The following TAF4 variants were observed in gnomAD, a reference collection of about 807,000 sequenced individuals.
The protein encoded by TAF4 is TATA-box binding protein associated factor 4.
In TAF4, 9 loss-of-function variants were observed where a neutral mutation model predicts 90.3. That is an observed-to-expected ratio of 0.10 (90% CI 0.06 to 0.17). TAF4 has a LOEUF of 0.17. Ranked by LOEUF, TAF4 falls within the 10% of genes least tolerant of loss-of-function variation. TAF4 has a pLI of 1.00. For synonymous variants in TAF4, 818 were observed against 638.9 expected (o/e 1.28, Z -4.23); for missense variants, 1,351 against 1,370.7 (o/e 0.99, Z 0.23).
intron 14 of TAF4, among the ~76,000 whole-genome samples, chr20:61,991,967 G>A (rs2055634374): frequency 6.6e-6 from 1 of 152,120 alleles, no homozygotes; most frequent in Non-Finnish European, 1.5e-5. Flanking sequence ...AAATAATCCA[G>A]AGTAACATCC....
At chr20:61,999,476 C>T (rs28382111) in intron 11 of TAF4, among the ~76,000 whole-genome samples, 3,644 of 152,352 alleles carry the variant, frequency 0.024, 64 homozygotes, top group Middle Eastern at 0.058. Flanking sequence ...CACTGCCTCC[C>T]GGCTGTGGCA....
intron 5 of TAF4, 136 bp from the exon 6 acceptor site, chr20:62,007,772 T>C: frequency 1.3e-6 from 1 of 786,082 alleles, no homozygotes; most frequent in Non-Finnish European, 2.0e-6. Flanking sequence ...TGGGAAAGTC[T>C]GCGTGCTACA....
intron 14 of TAF4, among the ~76,000 whole-genome samples, chr20:61,978,107 G>A (rs2055508116): frequency 9.6e-6 from 1 of 103,982 alleles, no homozygotes; most frequent in Non-Finnish European, 2.1e-5. Context: ...GGGAGGGCGC[G>A]AGACCAACCA....
intron 7 of TAF4, chr20:62,005,863 A>C (rs1380269970): frequency 1.3e-5 from 2 of 152,236 alleles, no homozygotes; most frequent in Non-Finnish European, 2.9e-5. Context: ...CTTTAGAGGA[A>C]GAAAACACCT....
Position 62,065,045 on chromosome 20 carries a change from A to AGGGCGCGGCGGGCGCGGGGGGCGC in TAF4, c.742_765dup (p.Ala248_Pro255dup). The stretch of plus-strand genomic sequence containing the variant: ...GCGGGCGCGGGGGCGGCGGGGGGCG[A>AGGGCGCGGCGGGCGCGGGGGGCGC]GGGCGCGGCGGGCGCGGGGGGCGCG... On this transcript the variant is annotated inframe_insertion, in exon 1 of 15. Transcript: ENST00000252996. 2.0e-6 allele frequency: 1 copy of AGGGCGCGGCGGGCGCGGGGGGCGC among 508,760 alleles called. No individual in the cohort carries two copies. The allele number at this position is 508,760 out of a possible 1,614,324, so 31.5% of individuals were successfully genotyped here. A position where few individuals can be genotyped will look rare whatever the true frequency, so the allele number is the denominator to read the frequency against.
At position 62,010,741 on chromosome 20, in the gene TAF4, C is replaced by T. The variant is rs1009307469; in HGVS notation, c.1642-576G>A. On this transcript the variant is annotated intron_variant, in intron 3 of 14. Transcript: ENST00000252996. The surrounding 1 kb of genome is among the most constrained non-coding windows in gnomAD (Gnocchi z 4.5). ...CAGAGGGGAGTTTTCAGAGCAGATT[C>T]GAGCAATGGAGGATGGGTCATCAGT... 2.6e-5 allele frequency among the ~76,000 whole-genome samples: 4 copies of T among 152,280 alleles called. No homozygotes were observed. The highest frequency in any genetic ancestry group is 2.6e-4 in the Admixed American group (4 of 15,298).
intron 1 of TAF4, among the ~76,000 whole-genome samples, chr20:62,025,973 T>C (rs1162336635): frequency 6.6e-6 from 1 of 152,212 alleles, no homozygotes; most frequent in African/African-American, 2.4e-5. Flanking sequence ...TCACTTTACA[T>C]GTGCTCAGTT....
chr20:62,022,841 C>G (rs2055851048), intron 1 of TAF4, among the ~76,000 whole-genome samples: 1 of 150,126 alleles, frequency 6.7e-6, no homozygotes, highest in South Asian at 2.1e-4. Context: ...TCTGACGCAG[C>G]TCCTGGTCCA....
intron 1 of TAF4, among the ~76,000 whole-genome samples, chr20:62,045,538 G>A (rs2055988382): frequency 1.3e-5 from 2 of 152,354 alleles, no homozygotes; most frequent in Admixed American, 6.5e-5. Context: ...GTTCTCCCTT[G>A]GTGACAGGAA....
chr20:62,000,080 G>A, intron 11 of TAF4, 44 bp downstream of exon 11: 2 of 1,613,972 alleles, frequency 1.2e-6, no homozygotes, highest in South Asian at 2.2e-5. Flanking sequence ...AGAGAGTGGG[G>A]GCCAACAACA....
intron 13 of TAF4, 38 bp downstream of exon 13, chr20:61,998,098 C>A: frequency 6.2e-7 from 1 of 1,607,996 alleles, no homozygotes; most frequent in South Asian, 1.1e-5. Context: ...CAGTGCACAG[C>A]AAAGTGCCCA....
intron 1 of TAF4, among the ~76,000 whole-genome samples, chr20:62,048,112 C>T (rs550631239): frequency 2.0e-5 from 3 of 152,308 alleles, no homozygotes; most frequent in African/African-American, 7.2e-5. Context: ...CTGAAAATCC[C>T]TGAAGCCCTG....
At chr20:61,988,259 C>G (rs970770926) in intron 14 of TAF4, among the ~76,000 whole-genome samples, 2 of 90,958 alleles carry the variant, frequency 2.2e-5, no homozygotes, top group African/African-American at 7.2e-5. Context: ...AACAAACGCA[C>G]CACCCGGCCA....
rs1160137964 is a variant in TAF4 at position 61,984,660 on chromosome 20, CAGTGCCCGGGACATCAG to C, written c.3091-8342_3091-8326del. On this transcript the variant is annotated intron_variant, in intron 14 of 14. Coordinates refer to ENST00000252996, the MANE Select transcript of TAF4 (RefSeq NM_003185.4). ...AGCTCCTGATGCAGTGACACGAGGG[CAGTGCCCGGGACATCAG>C]CACCCAGCTGGGAAAGAGGAAGCTC... Among the ~76,000 whole-genome samples the C allele has an allele frequency of 4.6e-3, 320 of 70,176 alleles. 3 individuals carry two copies. Among genetic ancestry groups the C allele is most frequent in the Middle Eastern group, 0.013 (1 of 78 alleles). 46.0% of individuals were successfully genotyped at this position (70,176 alleles called of 152,430 possible).
chr20:61,995,106 G>A (rs1052765678), intron 14 of TAF4, among the ~76,000 whole-genome samples: 2 of 152,144 alleles, frequency 1.3e-5, no homozygotes, highest in African/African-American at 2.4e-5. Flanking sequence ...TAACTCAACC[G>A]CCTGCAAGAA....
At chr20:62,053,997 C>G (rs1443428007) in intron 1 of TAF4, among the ~76,000 whole-genome samples, 1 of 152,234 alleles carries the variant, frequency 6.6e-6, no homozygotes, top group Admixed American at 6.5e-5. Flanking sequence ...CTGGGGGGAG[C>G]CCAAGCACTG....
chr20:61,983,850 A>C (rs1288617191), intron 14 of TAF4, among the ~76,000 whole-genome samples: 3 of 152,208 alleles, frequency 2.0e-5, no homozygotes, highest in Non-Finnish European at 2.9e-5. Context: ...GTGATTCAGA[A>C]GGTGAAAAGT....
Position 62,006,493 on chromosome 20 carries a change from A to T in TAF4, c.2223+17T>A. ...GCACGGTGGGCTGTGCAGACCAGTC[A>T]GGCGCCCCTTCCATACCAGCGGTGT... is the stretch of plus-strand genomic sequence containing the variant. On this transcript the variant is annotated intron_variant, in intron 7 of 14. Transcript: ENST00000252996. The surrounding 1 kb of genome is among the most constrained non-coding windows in gnomAD (Gnocchi z 7.0). 6.7e-7 allele frequency: 1 copy of T among 1,488,270 alleles called. No individual in the cohort carries two copies. The highest frequency in any genetic ancestry group is 8.9e-7 in the Non-Finnish European group (1 of 1,118,652). 92.2% of individuals were successfully genotyped at this position (1,488,270 alleles called of 1,614,324 possible).
In TAF4 at chr20:62,006,627, G is replaced by T; in HGVS notation, c.2106C>A (p.Val702=). 6.2e-7 allele frequency: 1 copy of T among 1,605,874 alleles called. No individual in the cohort carries two copies. Among genetic ancestry groups the T allele is most frequent in the Non-Finnish European group, 8.5e-7 (1 of 1,176,042 alleles). Residue 702 remains valine (V), a synonymous_variant, in exon 7 of 15, where the codon GTC becomes GTA. Coordinates refer to ENST00000252996, the MANE Select transcript of TAF4 (RefSeq NM_003185.4). The surrounding 1 kb of genome is among the most constrained non-coding windows in gnomAD (Gnocchi z 7.0). The stretch of plus-strand genomic sequence containing the variant: ...CCGCCGTCTTCCCGGCCGTGCGCTG[G>T]ACCGAGCTACTCAGCACCACGGCCG... ...ALTAVVLSSS[V]QRTAGKTAAT...
Sources: gnomAD v4.1 joint callset for allele counts (sites outside exome capture counted in the v4.1 genomes callset) on GRCh38, gnomAD v4.1.1 for gene constraint, Gnocchi (gnomAD v3.1) non-coding constraint, MANE v1.5 for transcripts, NCBI Gene and HGNC (gene_info 2026-07-23, HGNC 2026-07-21) for gene names.